URB2: variants seen among roughly 807,000 people sequenced by gnomAD.
URB2 encodes unhealthy ribosome biogenesis protein 2 homolog.
A neutral mutation model predicts 120.9 loss-of-function variants in URB2; 86 were observed. The observed-to-expected ratio is 0.71, with a 90% CI of 0.60 to 0.85. URB2 has a LOEUF of 0.85. Among genes scored for constraint, URB2 ranks in the 40% least tolerant of loss-of-function variants. URB2 has a pLI of 0.00. For synonymous variants in URB2, 755 were observed against 758.4 expected, an observed-to-expected ratio of 1.00 and a Z score of 0.07; for missense variants, 1,765 against 1,836.5, an observed-to-expected ratio of 0.96 and a Z score of 0.71.
At chr1:229,642,548 G>A (rs1485960809) in intron 4 of URB2, among the ~76,000 whole-genome samples, 11 of 152,206 alleles carry the variant, frequency 7.2e-5, no homozygotes, top group Admixed American at 7.2e-4. Context: ...CCTGGGGCCA[G>A]ACGATAAAGG....
chr1:229,650,927 G>C (rs1337591862), intron 7 of URB2: 1 of 178,650 alleles, frequency 5.6e-6, no homozygotes, highest in East Asian at 1.4e-4. Flanking sequence ...ATTAGCACCA[G>C]CTTAGAGTAA....
Position 229,637,641 on chromosome 1 carries a change from C to G in URB2, c.3028C>G (p.Gln1010Glu). The change falls in exon 4 of 10, where the codon CAG (glutamine) becomes GAG (glutamate). Residue 1010 changes from glutamine to glutamate, a missense_variant. Transcript: ENST00000258243. Reference protein sequence around the residue: ...VIGTFLEELMQMLIQMKLSLV... With the variant: ...VIGTFLEELMEMLIQMKLSLV... ...AGGGACGTTCTTAGAGGAGCTAATG[C>G]AGATGCTCATCCAAATGAAGCTGAG... 1 of 1,614,220 alleles carries G rather than the reference C, an allele frequency of 6.2e-7. No individual in the cohort carries two copies. Among genetic ancestry groups the G allele is most frequent in the East Asian group, 2.2e-5 (1 of 44,892 alleles).
In URB2 at chr1:229,636,573, C is replaced by G; in HGVS notation, c.1960C>G (p.Gln654Glu). ...TTCGTTGCTCCCAGGTGTAAAAACA[C>G]AGCATTGGAAGAAGATAGAGAAGTT... is the stretch of plus-strand genomic sequence containing the variant. ...LPSLLPGVKT[Q>E]HWKKIEKFTA... Residue 654 changes from glutamine (Q) to glutamate (E), a missense_variant, in exon 4 of 10, where the codon CAG (glutamine) becomes GAG (glutamate). Transcript: ENST00000258243. 1 of 1,614,114 alleles carries G rather than the reference C, an allele frequency of 6.2e-7. No individual in the cohort carries two copies. Among genetic ancestry groups the G allele is most frequent in the East Asian group, 2.2e-5 (1 of 44,882 alleles).
Position 229,637,789 on chromosome 1 carries a change from CTT to C in URB2, c.3178_3179del (p.Leu1060AsnfsTer26), listed in dbSNP as rs1341136748. Reference sequence around the variant, plus strand: ...CAGGGCAGGCAGCTCCTTCTGGTGTCTTTAACCAGGTTGTGCCATGTCCTGGG... The same window carrying C: ...CAGGGCAGGCAGCTCCTTCTGGTGTCTAACCAGGTTGTGCCATGTCCTGGG... On this transcript the variant is annotated frameshift_variant, in exon 4 of 10. Coordinates refer to ENST00000258243, the MANE Select transcript of URB2 (RefSeq NM_014777.4). LOFTEE classifies it high-confidence loss of function. 1 of 1,613,980 alleles carries C rather than the reference CTT, an allele frequency of 6.2e-7. No homozygotes were observed. Among genetic ancestry groups the C allele is most frequent in the Non-Finnish European group, 8.5e-7 (1 of 1,180,016 alleles).
Position 229,626,266 on chromosome 1 carries a change from A to AC in URB2, c.-102dup, listed in dbSNP as rs1484942806. 1.3e-5 allele frequency: 2 copies of AC among 152,138 alleles called. No homozygotes were observed. The highest frequency in any genetic ancestry group is 4.0e-4 in the East Asian group (2 of 5,038). 9.4% of individuals were successfully genotyped at this position (152,138 alleles called of 1,614,324 possible). A position where few individuals can be genotyped will look rare whatever the true frequency, so the allele number is the denominator to read the frequency against. ...GGACCCGTACAGCGGCCTCCGCCGCACCGGGACAGCAGCCGCCGCCGCTGC... is the reference window on the plus strand; with the variant it reads ...GGACCCGTACAGCGGCCTCCGCCGCACCCGGGACAGCAGCCGCCGCCGCTGC... On this transcript the variant is annotated 5_prime_UTR_variant, in exon 1 of 10. Coordinates refer to ENST00000258243, the MANE Select transcript of URB2 (RefSeq NM_014777.4).
At position 229,637,473 on chromosome 1, in the gene URB2, A is replaced by G. The variant is rs1487903200; in HGVS notation, c.2860A>G (p.Lys954Glu). The change falls in exon 4 of 10, where the codon AAG becomes GAG. Residue 954 changes from lysine (K) to glutamate (E), a missense_variant. Transcript: ENST00000258243. ...CTACCAACTTCTTGGTTACTTGCAA[A>G]AGGGGAAAAGTGCTCGCTCTGTGTT... ...TCYQLLGYLQ[K>E]GKSARSVFKI... is the part of the protein sequence containing the mutation. 5.0e-6 allele frequency: 8 copies of G among 1,614,062 alleles called. No homozygotes were observed. In the African/African-American group the frequency reaches 9.3e-5, roughly 19 times the overall value.
intron 4 of URB2, among the ~76,000 whole-genome samples, chr1:229,640,529 G>A (rs1558167329): frequency 6.6e-6 from 1 of 152,124 alleles, no homozygotes; most frequent in South Asian, 2.1e-4. Context: ...TCTGACCCTC[G>A]TTAATGTCAC....
rs186264289 is a variant in URB2 at position 229,627,846 on chromosome 1, A to T, written c.126+87A>T. 48 of 1,448,380 alleles carry T rather than the reference A, an allele frequency of 3.3e-5. No individual in the cohort carries two copies. The African/African-American group carries it at 3.9e-4, about 12-fold the overall frequency. 89.7% of individuals were successfully genotyped at this position (1,448,380 alleles called of 1,614,324 possible). ...TTGGATATTGACAATTGGTTAAAAT[A>T]AAAAAATAGAGAAAAAGTTGGGGAG... On this transcript the variant is annotated intron_variant, in intron 2 of 9. Coordinates refer to ENST00000258243, the MANE Select transcript of URB2 (RefSeq NM_014777.4).
chr1:229,647,589 T>C lies in URB2; in HGVS notation c.3986T>C (p.Leu1329Pro), dbSNP rs776360061. 3.7e-6 allele frequency: 6 copies of C among 1,614,136 alleles called. No individual in the cohort carries two copies. Among genetic ancestry groups the C allele is most frequent in the Non-Finnish European group, 5.1e-6 (6 of 1,180,056 alleles). The change falls in exon 7 of 10, where the codon CTG (leucine) becomes CCG (proline). Residue 1329 changes from leucine to proline, a missense_variant. By Grantham distance (98) the Leu-to-Pro change is moderately conservative. Transcript: ENST00000258243. The stretch of plus-strand genomic sequence containing the variant: ...CCTGTCTTAGATGTCCTGGCTGCAC[T>C]GCTGCGGCAGGGGGAGGAGGCCATC... ...VGPVLDVLAA[L>P]LRQGEEAIGN...
chr1:229,636,544 TC>T lies in URB2; in HGVS notation c.1934del (p.Pro645LeufsTer7). On this transcript the variant is annotated frameshift_variant, in exon 4 of 10. Transcript: ENST00000258243. LOFTEE classifies it high-confidence loss of function. Reference sequence around the variant, plus strand: ...GGTGTTGCTCTGGAGATCTCGAACCTCCCTTCGTTGCTCCCAGGTGTAAAAA... The same window carrying T: ...GGTGTTGCTCTGGAGATCTCGAACCTCCTTCGTTGCTCCCAGGTGTAAAAA... ...LIGVALEISN[L>X]PSLLPGVKTQ... The T allele has an allele frequency of 6.2e-7, 1 of 1,614,126 alleles. No homozygotes were observed. The highest frequency in any genetic ancestry group is 8.5e-7 in the Non-Finnish European group (1 of 1,179,960).
chr1:229,653,538 C>T (rs1408431021), intron 8 of URB2, among the ~76,000 whole-genome samples: 2 of 152,126 alleles, frequency 1.3e-5, no homozygotes, highest in African/African-American at 4.8e-5. Flanking sequence ...ATGTGCCTAC[C>T]ATTGTGCTGA....
chr1:229,652,159 G>A (rs765061602), intron 8 of URB2, among the ~76,000 whole-genome samples: 1 of 151,834 alleles, frequency 6.6e-6, no homozygotes, highest in Non-Finnish European at 1.5e-5. Flanking sequence ...TCCAGCCTGG[G>A]CGATAGAGCA....
chr1:229,635,771 G>A lies in URB2; in HGVS notation c.1158G>A (p.Gln386=). 5 of 1,614,202 alleles carry A rather than the reference G, an allele frequency of 3.1e-6. No homozygotes were observed. Among genetic ancestry groups the A allele is most frequent in the Non-Finnish European group, 4.2e-6 (5 of 1,180,040 alleles). Residue 386 remains glutamine, a synonymous_variant, in exon 4 of 10, where the codon CAG becomes CAA. Transcript: ENST00000258243. ...ACAGAATTCGGCACGAAGAGGCTCA[G>A]TTCCGCTTTTACCGCCACGTGGCTG... ...AADRIRHEEA[Q]FRFYRHVAEL...
rs1017083568 is a variant in URB2, at chr1:229,659,236, A to G, written c.4514A>G (p.Tyr1505Cys). The change falls in exon 10 of 10, where the codon TAT becomes TGT. Residue 1505 changes from tyrosine (Y) to cysteine (C), a missense_variant. Physicochemically the swap from Tyr to Cys is radical, Grantham distance 194 (BLOSUM62 -2). Transcript: ENST00000258243. Reference protein sequence around the residue: ...PGMRDIFKELYNDYLKYHKAK... With the variant: ...PGMRDIFKELCNDYLKYHKAK... ...ATGAGAGACATCTTTAAGGAGCTCT[A>G]TAATGACTATCTCAAGTACCACAAG... 1.4e-5 allele frequency: 23 copies of G among 1,613,956 alleles called. No individual in the cohort carries two copies. Among genetic ancestry groups the G allele is most frequent in the Non-Finnish European group, 1.9e-5 (23 of 1,180,044 alleles).
chr1:229,641,097 C>T (rs538817576), intron 4 of URB2, among the ~76,000 whole-genome samples: 1 of 150,980 alleles, frequency 6.6e-6, no homozygotes, highest in South Asian at 2.1e-4. Flanking sequence ...ACTGCAACCT[C>T]CGCCTCCCGG....
At chr1:229,643,314 G>T (rs1422978519) in intron 4 of URB2, among the ~76,000 whole-genome samples, 6 of 152,240 alleles carry the variant, frequency 3.9e-5, no homozygotes, top group Admixed American at 3.9e-4. Flanking sequence ...TTCTGTGTTT[G>T]TGTGTGTACA....
At chr1:229,642,666 A>T (rs1036533054) in intron 4 of URB2, among the ~76,000 whole-genome samples, 1 of 152,144 alleles carries the variant, frequency 6.6e-6, no homozygotes, top group Non-Finnish European at 1.5e-5. Flanking sequence ...CAGGCCTGAA[A>T]AGTGGAGCTC....
Position 229,636,561 on chromosome 1 carries a change from G to A in URB2, c.1948G>A (p.Gly650Ser). 6.2e-7 allele frequency: 1 copy of A among 1,614,162 alleles called. No homozygotes were observed. Residue 650 changes from glycine to serine, a missense_variant, in exon 4 of 10, where the codon GGT becomes AGT. Coordinates refer to ENST00000258243, the MANE Select transcript of URB2 (RefSeq NM_014777.4). ...CTCGAACCTCCCTTCGTTGCTCCCA[G>A]GTGTAAAAACACAGCATTGGAAGAA... is the stretch of plus-strand genomic sequence containing the variant. ...EISNLPSLLP[G>S]VKTQHWKKIE...
Position 229,635,016 on chromosome 1 carries a change from C to G in URB2, c.403C>G (p.Leu135Val), listed in dbSNP as rs1352326084. 6.2e-7 allele frequency: 1 copy of G among 1,613,744 alleles called. No homozygotes were observed. The highest frequency in any genetic ancestry group is 2.2e-5 in the East Asian group (1 of 44,860). ...CCAGGGCATCCTGTCGACACCTGCC[C>G]TGGCTGTCATCTACACGGCCAAACA... ...CCQGILSTPALAVIYTAKQEL... is the reference protein window; with the variant it reads ...CCQGILSTPAVAVIYTAKQEL... Residue 135 changes from leucine to valine, a missense_variant, in exon 4 of 10, where the codon CTG becomes GTG. Physicochemically the swap from Leu to Val is conservative, Grantham distance 32. Coordinates refer to ENST00000258243, the MANE Select transcript of URB2 (RefSeq NM_014777.4).
Sources: gnomAD v4.1 joint callset for allele counts (sites outside exome capture counted in the v4.1 genomes callset) on GRCh38, gnomAD v4.1.1 for gene constraint, MANE v1.5 for transcripts, NCBI Gene and HGNC (gene_info 2026-07-23, HGNC 2026-07-21) for gene names.